The following NPM1 variants were observed in gnomAD, a reference collection of about 807,000 sequenced individuals.
NPM1 encodes nucleophosmin 1.
In NPM1, 1 loss-of-function variant was observed where a neutral mutation model predicts 44.1. The ratio of observed to expected loss-of-function variants is 0.02; its 90% CI spans 0.01 to 0.11. The LOEUF (loss-of-function observed/expected upper bound fraction) is 0.11, where lower values mean the gene tolerates loss of function less well. NPM1 is among the 10% of genes least tolerant of loss of function. NPM1 has a pLI of 1.00. For synonymous variants in NPM1, 126 were observed against 111.8 expected (o/e 1.13, Z -0.80); for missense variants, 197 against 347.8 (o/e 0.57, Z 3.45).
chr5:171,401,600 CGTATTTTT>C (rs1035810976), intron 8 of NPM1, among the ~76,000 whole-genome samples: 26 of 152,058 alleles, frequency 1.7e-4, no homozygotes, highest in African/African-American at 5.8e-4. Context: ...CCAGGCCCAG[CGTATTTTT>C]GTATTTTTGA....
intron 10 of NPM1, among the ~76,000 whole-genome samples, chr5:171,407,990 A>G (rs1027257837): frequency 5.3e-5 from 8 of 152,152 alleles, no homozygotes; most frequent in African/African-American, 1.7e-4. Flanking sequence ...TATTTTTCCC[A>G]GATTTCCTAT....
At chr5:171,391,961 G>GT (rs1554135773) in intron 4 of NPM1, among the ~76,000 whole-genome samples, 162 bp downstream of exon 4, 3 of 74,568 alleles carry the variant, frequency 4.0e-5, no homozygotes, top group African/African-American at 1.1e-4. Context: ...TTGGGGCGGG[G>GT]GGGAGAGGAA....
intron 10 of NPM1, 88 bp downstream of exon 10, chr5:171,407,862 C>G: frequency 1.3e-6 from 1 of 790,948 alleles, no homozygotes; most frequent in Non-Finnish European, 2.1e-6. Context: ...AGTGTTGGCT[C>G]TTTTTAAAAA....
intron 7 of NPM1, 103 bp downstream of exon 7, chr5:171,400,313 A>G: frequency 6.9e-7 from 1 of 1,440,558 alleles, no homozygotes; most frequent in Non-Finnish European, 9.6e-7. Context: ...GGTGTGGGAG[A>G]TCATCTCATA....
intron 6 of NPM1, among the ~76,000 whole-genome samples, chr5:171,395,622 A>G (rs1160818164): frequency 6.6e-6 from 1 of 152,204 alleles, no homozygotes; most frequent in East Asian, 1.9e-4. Flanking sequence ...GTAGTAAAGG[A>G]TGCCTTGAGG....
intron 6 of NPM1, among the ~76,000 whole-genome samples, chr5:171,393,674 T>TA (rs1455224543): frequency 1.3e-5 from 2 of 152,232 alleles, no homozygotes; most frequent in Non-Finnish European, 2.9e-5. Context: ...GGTTGGTCCA[T>TA]ATGCATTTAT....
intron 8 of NPM1, among the ~76,000 whole-genome samples, chr5:171,403,739 A>G (rs1235401748): frequency 2.4e-5 from 3 of 126,344 alleles, no homozygotes; most frequent in Admixed American, 7.9e-5. Context: ...CGGGGGGCTG[A>G]CCCCCCCACC....
At position 171,410,791 on chromosome 5, in the gene NPM1, A is replaced by T. The variant is rs759833831; in HGVS notation, c.*226A>T. On this transcript the variant is annotated 3_prime_UTR_variant, in exon 11 of 11. Coordinates refer to ENST00000296930, the MANE Select transcript of NPM1 (RefSeq NM_002520.7). ...TGGTTTTAAGTATGTATGGAATGTT[A>T]TGATAGGACATAGTAGTAGCGGTGG... 1 of 441,942 alleles carries T rather than the reference A, an allele frequency of 2.3e-6. No individual in the cohort carries two copies. Among genetic ancestry groups the T allele is most frequent in the African/African-American group, 2.0e-5 (1 of 49,554 alleles). The allele number at this position is 441,942 out of a possible 1,614,324, so 27.4% of individuals were successfully genotyped here. A position where few individuals can be genotyped will look rare whatever the true frequency, so the allele number is the denominator to read the frequency against.
chr5:171,392,645 G>A (rs1186272137), intron 4 of NPM1, 65 bp from the exon 5 acceptor site: 23 of 968,278 alleles, frequency 2.4e-5, no homozygotes, highest in South Asian at 1.5e-4. Flanking sequence ...TTTACTATCA[G>A]TGTTCTTTTT....
intron 7 of NPM1, 93 bp from the exon 8 acceptor site, chr5:171,400,746 T>G: frequency 2.5e-6 from 2 of 792,596 alleles, no homozygotes; most frequent in South Asian, 2.9e-5. Context: ...ACGCCAAGCC[T>G]GTGGTTGCTG....
intron 6 of NPM1, among the ~76,000 whole-genome samples, chr5:171,396,852 A>G (rs1315565076): frequency 6.6e-6 from 1 of 152,152 alleles, no homozygotes; most frequent in Non-Finnish European, 1.5e-5. Flanking sequence ...GGGCGCTTGC[A>G]ATCCCAGCTG....
At position 171,391,376 on chromosome 5, in the gene NPM1, T is replaced by C; in HGVS notation, c.210T>C (p.Ser70=). The C allele has an allele frequency of 6.2e-7, 1 of 1,611,912 alleles. No individual in the cohort carries two copies. Among genetic ancestry groups the C allele is most frequent in the Non-Finnish European group, 8.5e-7 (1 of 1,179,930 alleles). The change falls in exon 3 of 11, where the codon AGT becomes AGC. Residue 70 remains serine (S), a synonymous_variant. Coordinates refer to ENST00000296930, the MANE Select transcript of NPM1 (RefSeq NM_002520.7). ...VEAEAMNYEG[S]PIKVTLATLK... ...CAGAGGCAATGAATTACGAAGGCAG[T>C]CCAATTAAAGTAACACTGGCAACTT... is the stretch of plus-strand genomic sequence containing the variant.
chr5:171,401,154 T>C (rs1771176188), intron 8 of NPM1, among the ~76,000 whole-genome samples: 1 of 151,948 alleles, frequency 6.6e-6, no homozygotes, highest in Non-Finnish European at 1.5e-5. Context: ...GGTCAGGAGT[T>C]TGAGACTAGC....
Position 171,404,241 on chromosome 5 carries a change from C to T in NPM1, c.670-1061C>T, listed in dbSNP as rs1162555284. On this transcript the variant is annotated intron_variant, in intron 8 of 10. Transcript: ENST00000296930. The stretch of plus-strand genomic sequence containing the variant: ...CTGGCCGGGCGGGGGGTTGACCCCC[C>T]CCCACCTCCCTCCCGGACGGGGTGG... Among the ~76,000 whole-genome samples the T allele has an allele frequency of 1.7e-4, 18 of 107,140 alleles. 3 individuals carry two copies. The highest frequency in any genetic ancestry group is 3.6e-4 in the Admixed American group (4 of 11,044). 70.3% of individuals were successfully genotyped at this position (107,140 alleles called of 152,430 possible).
At chr5:171,398,503 G>A (rs1581248173) in intron 6 of NPM1, among the ~76,000 whole-genome samples, 1 of 152,232 alleles carries the variant, frequency 6.6e-6, no homozygotes, top group African/African-American at 2.4e-5. Flanking sequence ...GGCTGGGTGT[G>A]GTGGCTCACA....
chr5:171,405,574 C>T (rs575167951), intron 9 of NPM1, 171 bp downstream of exon 9: 1 of 613,792 alleles, frequency 1.6e-6, no homozygotes, highest in Non-Finnish European at 2.9e-6. Flanking sequence ...ATAATCGTGT[C>T]TGTGGTGATT....
At chr5:171,401,427 C>CG (rs1188797295) in intron 8 of NPM1, among the ~76,000 whole-genome samples, 4 of 151,660 alleles carry the variant, frequency 2.6e-5, no homozygotes, top group Non-Finnish European at 4.4e-5. Context: ...GGTGGTGGGG[C>CG]GGGGGGAGCC....
At chr5:171,401,914 T>C (rs1158612284) in intron 8 of NPM1, among the ~76,000 whole-genome samples, 1 of 152,112 alleles carries the variant, frequency 6.6e-6, no homozygotes, top group African/African-American at 2.4e-5. Context: ...GAAAATGGAA[T>C]TTAAAGGAAA....
At chr5:171,395,016 TAA>T (rs146532707) in intron 6 of NPM1, among the ~76,000 whole-genome samples, 5,756 of 152,164 alleles carry the variant, frequency 0.038, 181 homozygotes, top group Admixed American at 0.1. Context: ...CGGTATCTAC[TAA>T]AAATACAAAA....
Sources: gnomAD v4.1 joint callset for allele counts (sites outside exome capture counted in the v4.1 genomes callset) on GRCh38, gnomAD v4.1.1 for gene constraint, MANE v1.5 for transcripts, NCBI Gene and HGNC (gene_info 2026-07-23, HGNC 2026-07-21) for gene names.